Variants in ELP4 observed in about 807,000 individuals in gnomAD.
ELP4 encodes elongator acetyltransferase complex subunit 4.
A neutral mutation model predicts 48.9 loss-of-function variants in ELP4; 51 were observed. The observed-to-expected ratio is 1.04, with a 90% confidence interval of 0.83 to 1.32. The LOEUF is 1.32. Ranked by LOEUF, ELP4 falls within the 40% of genes most tolerant of loss-of-function variation. The probability of loss-of-function intolerance (pLI) is 0.00; values close to 1 mark genes in which losing one functional copy is unlikely to be tolerated. For synonymous variants in ELP4, 210 were observed against 189.2 expected, an observed-to-expected ratio of 1.11 and a Z score of -0.90; for missense variants, 519 against 514.6, an observed-to-expected ratio of 1.01 and a Z score of -0.08.
At chr11:31,696,841 C>G (rs1307054754) in intron 9 of ELP4, among the ~76,000 whole-genome samples, 1 of 152,124 alleles carries the variant, frequency 6.6e-6, no homozygotes, top group East Asian at 1.9e-4. Flanking sequence ...AGGCTAAATA[C>G]TCCAATTAAA....
At chr11:31,548,080 A>T (rs1209588784) in intron 3 of ELP4, among the ~76,000 whole-genome samples, 1 of 152,178 alleles carries the variant, frequency 6.6e-6, no homozygotes, top group Non-Finnish European at 1.5e-5. Context: ...CGGGCACAAG[A>T]CAGGGATGCC....
chr11:31,763,505 G>T (rs760600116), intron 9 of ELP4: 11 of 1,611,100 alleles, frequency 6.8e-6, no homozygotes, highest in Middle Eastern at 3.3e-4. Flanking sequence ...TGGGGAGAAG[G>T]TTCTTTACAG....
intron 9 of ELP4, among the ~76,000 whole-genome samples, chr11:31,655,825 T>C (rs1180635058): frequency 6.6e-6 from 1 of 152,042 alleles, no homozygotes; most frequent in African/African-American, 2.4e-5. Context: ...CCTATATAAA[T>C]GTTGTGAAAG....
chr11:31,588,689 A>G (rs1395068866), intron 3 of ELP4, among the ~76,000 whole-genome samples: 2 of 152,214 alleles, frequency 1.3e-5, no homozygotes, highest in African/African-American at 4.8e-5. Context: ...TTGCAGTAAA[A>G]TAACATATTA....
At chr11:31,552,566 A>T (rs941432286) in intron 3 of ELP4, among the ~76,000 whole-genome samples, 34 of 152,114 alleles carry the variant, frequency 2.2e-4, no homozygotes, top group African/African-American at 7.7e-4. Flanking sequence ...GCTCAAGCCT[A>T]AACCAAGGAT....
intron 3 of ELP4, among the ~76,000 whole-genome samples, chr11:31,590,301 A>G (rs1169887120): frequency 6.6e-6 from 1 of 152,186 alleles, no homozygotes; most frequent in Non-Finnish European, 1.5e-5. Context: ...TGTGTCCACA[A>G]AAAACTAGAC....
At chr11:31,541,991 GTGTCTGACCAAGCTGCACA>G (rs1956599398) in intron 3 of ELP4, among the ~76,000 whole-genome samples, 1 of 152,082 alleles carries the variant, frequency 6.6e-6, no homozygotes, top group South Asian at 2.1e-4. Context: ...AAAATACACC[GTGTCTGACCAAGCTGCACA>G]TGTCTGACCA....
chr11:31,567,614 T>C (rs1029830776), intron 3 of ELP4, among the ~76,000 whole-genome samples: 3 of 152,122 alleles, frequency 2.0e-5, no homozygotes, highest in Admixed American at 1.3e-4. Context: ...AAAGTAAATA[T>C]ATGCCTCATT....
intron 3 of ELP4, among the ~76,000 whole-genome samples, chr11:31,546,033 C>A (rs1480956187): frequency 6.6e-6 from 1 of 151,738 alleles, no homozygotes; most frequent in Non-Finnish European, 1.5e-5. Flanking sequence ...CAAAATCATG[C>A]CAAAATGTAA....
At chr11:31,746,891 T>C (rs1259951755) in intron 9 of ELP4, among the ~76,000 whole-genome samples, 1 of 151,100 alleles carries the variant, frequency 6.6e-6, no homozygotes, top group Admixed American at 6.6e-5. Flanking sequence ...AGTATAATAA[T>C]AATAATAATT....
chr11:31,653,619 G>T (rs1360990164), intron 9 of ELP4: 2 of 151,628 alleles, frequency 1.3e-5, no homozygotes, highest in East Asian at 3.9e-4. Flanking sequence ...CAAGGACAGG[G>T]TTATTTACTT....
chr11:31,581,340 A>C (rs1225035018), intron 3 of ELP4, among the ~76,000 whole-genome samples: 1 of 152,158 alleles, frequency 6.6e-6, no homozygotes, highest in African/African-American at 2.4e-5. Flanking sequence ...TACATTGTCT[A>C]ATAACTTGAG....
intron 9 of ELP4, among the ~76,000 whole-genome samples, chr11:31,687,988 C>T (rs943780870): frequency 2.0e-5 from 3 of 152,178 alleles, no homozygotes; most frequent in Admixed American, 6.5e-5. Flanking sequence ...AAAAGGAAGA[C>T]GTTGACAGCG....
At chr11:31,680,124 T>G (rs1399509912) in intron 9 of ELP4, among the ~76,000 whole-genome samples, 1 of 152,198 alleles carries the variant, frequency 6.6e-6, no homozygotes, top group African/African-American at 2.4e-5. Context: ...GTGACCCCAA[T>G]TATCTGATGG....
intron 9 of ELP4, among the ~76,000 whole-genome samples, chr11:31,680,875 G>T (rs1265508404): frequency 6.6e-6 from 1 of 152,096 alleles, no homozygotes; most frequent in East Asian, 1.9e-4. Flanking sequence ...CTCTGTTACG[G>T]ACTGTAAAAA....
chr11:31,567,926 G>A (rs777971438), intron 3 of ELP4, among the ~76,000 whole-genome samples: 1 of 152,092 alleles, frequency 6.6e-6, no homozygotes, highest in Non-Finnish European at 1.5e-5. Flanking sequence ...GGGTGACTGT[G>A]GTAATTTCTG....
chr11:31,597,281 C>T (rs1012883498), intron 4 of ELP4, among the ~76,000 whole-genome samples: 3 of 152,010 alleles, frequency 2.0e-5, no homozygotes, highest in Admixed American at 6.6e-5. Context: ...TATGTCTGAA[C>T]AGTAAAATAC....
At chr11:31,750,530 AG>A (rs1389769706) in intron 9 of ELP4, among the ~76,000 whole-genome samples, 2 of 152,140 alleles carry the variant, frequency 1.3e-5, no homozygotes, top group African/African-American at 4.8e-5. Flanking sequence ...TCTTGCCTGA[AG>A]TTACAACCTG....
rs560564356 is a variant in ELP4, at chr11:31,770,071, G to A, written c.1144-13322G>A. On this transcript the variant is annotated intron_variant, in intron 9 of 9. Transcript: ENST00000640961. ...AAGACCCCAGTTCTCTTCTAGTTAC[G>A]GCAATAGCAGCAGCAGGCACTAGAT... Among the ~76,000 whole-genome samples the A allele has an allele frequency of 3.0e-4, 45 of 152,164 alleles. 1 individual carries two copies. The highest frequency in any genetic ancestry group is 2.7e-3 in the South Asian group (13 of 4,808).
Sources: gnomAD v4.1 joint callset for allele counts (sites outside exome capture counted in the v4.1 genomes callset) on GRCh38, gnomAD v4.1.1 for gene constraint, MANE v1.5 for transcripts, NCBI Gene and HGNC (gene_info 2026-07-23, HGNC 2026-07-21) for gene names.